The following GBE1 variants were observed in gnomAD, a reference collection of about 807,000 sequenced individuals.
GBE1 encodes 1,4-alpha-glucan branching enzyme 1.
In GBE1, 70 loss-of-function variants were observed where a neutral mutation model predicts 88.8. The observed-to-expected ratio is 0.79, with a 90% CI of 0.65 to 0.96. The LOEUF is 0.96. Ranked by LOEUF, GBE1 falls within the 40% of genes least tolerant of loss-of-function variation. The probability of loss-of-function intolerance (pLI) is 0.00; values close to 1 mark genes in which losing one functional copy is unlikely to be tolerated. For missense variants in GBE1, 872 were observed against 871.0 expected (o/e 1.00, Z -0.01); for synonymous variants, 284 against 300.1 (o/e 0.95, Z 0.56).
chr3:81,632,044 T>C (rs1390914825), intron 7 of GBE1, among the ~76,000 whole-genome samples: 1 of 152,170 alleles, frequency 6.6e-6, no homozygotes, highest in Non-Finnish European at 1.5e-5. Context: ...GATTTATCAG[T>C]GAGAACATGC....
At position 81,500,828 on chromosome 3, in the gene GBE1, T is replaced by C. The variant is rs73853346; in HGVS notation, c.1935-1601A>G. 9.2e-3 allele frequency among the ~76,000 whole-genome samples: 1,396 copies of C among 152,330 alleles called. 28 individuals are homozygous for C. The highest frequency in any genetic ancestry group is 0.032 in the African/African-American group (1,337 of 41,574). On this transcript the variant is annotated intron_variant, in intron 14 of 15. Coordinates refer to ENST00000429644, the MANE Select transcript of GBE1 (RefSeq NM_000158.4). ...AACGTACATGTTTTTACTATTAAAA[T>C]GCAGATTATATTGTTCCCTTCTTTG...
intron 12 of GBE1, among the ~76,000 whole-genome samples, chr3:81,562,147 C>T (rs1215543371): frequency 1.3e-5 from 2 of 152,048 alleles, no homozygotes; most frequent in African/African-American, 2.4e-5. Flanking sequence ...TAGGATAGTG[C>T]CTGGCTCAGC....
intron 14 of GBE1, among the ~76,000 whole-genome samples, chr3:81,506,517 T>C (rs1702656569): frequency 1.3e-5 from 2 of 152,154 alleles, no homozygotes; most frequent in Admixed American, 6.6e-5. Context: ...TGGTGATTAC[T>C]CAAAGACCTA....
At chr3:81,643,694 T>C (rs1329370143) in intron 6 of GBE1, among the ~76,000 whole-genome samples, 1 of 152,192 alleles carries the variant, frequency 6.6e-6, no homozygotes, top group Non-Finnish European at 1.5e-5. Context: ...ACTGTCTCTC[T>C]TCCTCACTCG....
intron 11 of GBE1, among the ~76,000 whole-genome samples, chr3:81,580,732 T>C (rs961901137): frequency 5.3e-5 from 8 of 152,018 alleles, no homozygotes; most frequent in Non-Finnish European, 1.2e-4. Context: ...GGAGGTCAAT[T>C]AGCAGGAGAT....
intron 2 of GBE1, among the ~76,000 whole-genome samples, chr3:81,683,992 A>T (rs910650724): frequency 1.3e-5 from 2 of 152,228 alleles, no homozygotes; most frequent in African/African-American, 4.8e-5. Context: ...AACAAAAAAA[A>T]TAGGAAGACT....
chr3:81,512,865 A>G (rs1190179951), intron 14 of GBE1, among the ~76,000 whole-genome samples: 1 of 151,806 alleles, frequency 6.6e-6, no homozygotes, highest in Non-Finnish European at 1.5e-5. Flanking sequence ...ATCTCTTAAA[A>G]TAAGCTTGTA....
At chr3:81,612,047 T>C (rs1320828853) in intron 7 of GBE1, among the ~76,000 whole-genome samples, 2 of 152,066 alleles carry the variant, frequency 1.3e-5, no homozygotes, top group African/African-American at 4.8e-5. Context: ...CATTAATCAG[T>C]ACTAACTTAG....
intron 10 of GBE1, among the ~76,000 whole-genome samples, chr3:81,585,062 T>C (rs1703784248): frequency 6.6e-6 from 1 of 152,100 alleles, no homozygotes. Flanking sequence ...TACGTTCCCA[T>C]GTATTAAAGG....
chr3:81,723,746 C>T (rs370562860), intron 1 of GBE1, among the ~76,000 whole-genome samples: 1 of 152,254 alleles, frequency 6.6e-6, no homozygotes, highest in East Asian at 1.9e-4. Context: ...ACCACCAACG[C>T]ACAAAAGTCC....
chr3:81,490,261 G>T lies in GBE1; in HGVS notation c.*146C>A. The T allele has an allele frequency of 1.5e-6, 1 of 682,174 alleles. No homozygotes were observed. The highest frequency in any genetic ancestry group is 2.7e-5 in the Admixed American group (1 of 37,024). 42.3% of individuals were successfully genotyped at this position (682,174 alleles called of 1,614,324 possible). A position where few individuals can be genotyped will look rare whatever the true frequency, so the allele number is the denominator to read the frequency against. ...ACTTAAATAAAAGTTTGCTGTATTT[G>T]CATAAACCAATATTGAATTTCAGAC... On this transcript the variant is annotated 3_prime_UTR_variant, in exon 16 of 16. Transcript: ENST00000429644.
intron 12 of GBE1, among the ~76,000 whole-genome samples, chr3:81,559,482 AC>A (rs1703391295): frequency 6.6e-6 from 1 of 151,382 alleles, no homozygotes; most frequent in African/African-American, 2.4e-5. Flanking sequence ...AATTGTACCC[AC>A]CCCATGAAGT....
intron 1 of GBE1, among the ~76,000 whole-genome samples, chr3:81,748,316 T>TA (rs1210333772): frequency 6.6e-6 from 1 of 152,062 alleles, no homozygotes; most frequent in Non-Finnish European, 1.5e-5. Context: ...TTAGTTAACA[T>TA]AAAAAATAGT....
chr3:81,741,404 T>C (rs1706347465), intron 1 of GBE1, among the ~76,000 whole-genome samples: 2 of 152,158 alleles, frequency 1.3e-5, no homozygotes, highest in Non-Finnish European at 2.9e-5. Context: ...AAATTCTGTT[T>C]TAAGCATTTC....
At chr3:81,750,605 A>ATATATATATGTATATATATATATGTG (rs1706500524) in intron 1 of GBE1, among the ~76,000 whole-genome samples, 1 of 35,540 alleles carries the variant, frequency 2.8e-5, no homozygotes, top group Non-Finnish European at 5.2e-5. Context: ...ATATATGTGT[A>ATATATATATGTATATATATATATGTG]TATATATATA....
At chr3:81,752,308 T>C (rs1706541538) in intron 1 of GBE1, among the ~76,000 whole-genome samples, 1 of 152,212 alleles carries the variant, frequency 6.6e-6, no homozygotes, top group South Asian at 2.1e-4. Flanking sequence ...TTTCAAACTT[T>C]TATGCTGCTA....
At chr3:81,586,367 A>G (rs558852931) in intron 9 of GBE1, among the ~76,000 whole-genome samples, 177 bp from the exon 10 acceptor site, 1 of 152,184 alleles carries the variant, frequency 6.6e-6, no homozygotes, top group Non-Finnish European at 1.5e-5. Flanking sequence ...ATTTTTGCTT[A>G]ATGTTTTCAC....
chr3:81,756,278 T>A (rs146701769), intron 1 of GBE1, among the ~76,000 whole-genome samples: 99 of 152,306 alleles, frequency 6.5e-4, no homozygotes, highest in Non-Finnish European at 1.1e-3. Context: ...CTTACCCAGA[T>A]TGTCACATGA....
intron 1 of GBE1, among the ~76,000 whole-genome samples, chr3:81,744,302 G>T (rs1706393612): frequency 6.6e-6 from 1 of 151,996 alleles, no homozygotes; most frequent in South Asian, 2.1e-4. Context: ...TAAGTTACAT[G>T]TTGAAATGAT....
Sources: gnomAD v4.1 joint callset for allele counts (sites outside exome capture counted in the v4.1 genomes callset) on GRCh38, gnomAD v4.1.1 for gene constraint, MANE v1.5 for transcripts, NCBI Gene and HGNC (gene_info 2026-07-23, HGNC 2026-07-21) for gene names.